Variants in LDHB observed in about 807,000 individuals in gnomAD.
LDHB encodes lactate dehydrogenase B, also known as L-lactate dehydrogenase B chain.
LDHB carries 18 observed loss-of-function variants against 33.4 expected under a neutral mutation model. The ratio of observed to expected loss-of-function variants is 0.54; its 90% CI spans 0.37 to 0.80. The LOEUF (loss-of-function observed/expected upper bound fraction) is 0.80. Among genes scored for constraint, LDHB ranks in the 30% least tolerant of loss-of-function variants. The probability of loss-of-function intolerance (pLI) is 0.00; values close to 1 mark genes in which losing one functional copy is unlikely to be tolerated. For missense variants in LDHB, 345 were observed against 407.9 expected (o/e 0.85, Z 1.33); for synonymous variants, 121 against 140.6 (o/e 0.86, Z 0.98).
At chr12:21,646,776 CTG>C in intron 3 of LDHB, 121 bp downstream of exon 3, 1 of 714,622 alleles carries the variant, frequency 1.4e-6, no homozygotes, top group Non-Finnish European at 2.5e-6. Context: ...ATTGAAATAA[CTG>C]TTCCAAAACT....
In LDHB at chr12:21,644,073, C is replaced by T; in HGVS notation, c.283G>A (p.Val95Ile). ...SVTANSKIVV[V>I]TAGVRQQEGE... The stretch of plus-strand genomic sequence containing the variant: ...TCTTGCTGACGGACTCCTGCAGTTA[C>T]CACTACAATCTTAGAATTGGCAGTC... Residue 95 changes from valine (V) to isoleucine (I), a missense_variant, in exon 4 of 8, where the codon GTA (valine) becomes ATA (isoleucine). Val to Ile is a conservative substitution (Grantham distance 29). Coordinates refer to ENST00000350669, the MANE Select transcript of LDHB (RefSeq NM_002300.8). The T allele has an allele frequency of 1.2e-6, 2 of 1,613,398 alleles. No individual in the cohort carries two copies. Among genetic ancestry groups the T allele is most frequent in the Non-Finnish European group, 1.7e-6 (2 of 1,179,446 alleles).
At chr12:21,655,466 TCTA>T (rs1368982665) in intron 1 of LDHB, among the ~76,000 whole-genome samples, 1 of 152,240 alleles carries the variant, frequency 6.6e-6, no homozygotes, top group African/African-American at 2.4e-5. Flanking sequence ...GACTGATTCT[TCTA>T]CTCTGTCTCA....
chr12:21,637,151 T>C lies in LDHB; in HGVS notation c.757A>G (p.Ile253Val), dbSNP rs373042868. ...IKLKGYTNWA[I>V]GLSVADLIES... is the part of the protein sequence containing the mutation. Reference sequence around the variant, plus strand: ...ATAAGATCAGCCACACTTAATCCAATAGCCCAGTTGGTATATCCTTTTAGC... The same window carrying C: ...ATAAGATCAGCCACACTTAATCCAACAGCCCAGTTGGTATATCCTTTTAGC... The change falls in exon 7 of 8, where the codon ATT becomes GTT. Residue 253 changes from isoleucine (I) to valine (V), a missense_variant. Coordinates refer to ENST00000350669, the MANE Select transcript of LDHB (RefSeq NM_002300.8). 6 of 1,603,164 alleles carry C rather than the reference T, an allele frequency of 3.7e-6. No homozygotes were observed. Among genetic ancestry groups the C allele is most frequent in the Middle Eastern group, 1.7e-4 (1 of 6,040 alleles).
At chr12:21,644,424 CAA>C (rs72491634) in intron 3 of LDHB, among the ~76,000 whole-genome samples, 153 of 15,274 alleles carry the variant, frequency 0.01, 3 homozygotes, top group African/African-American at 0.018. Flanking sequence ...AGGTAGACAT[CAA>C]AAAAAAAAAA....
chr12:21,641,829 T>G, intron 5 of LDHB, 123 bp downstream of exon 5: 1 of 761,830 alleles, frequency 1.3e-6, no homozygotes, highest in South Asian at 1.8e-5. Context: ...GAAAAGTAAC[T>G]ACTATTTTTG....
chr12:21,636,653 T>C (rs987545024), intron 7 of LDHB, among the ~76,000 whole-genome samples: 12 of 152,124 alleles, frequency 7.9e-5, no homozygotes, highest in African/African-American at 2.9e-4. Context: ...AAAAAATCAT[T>C]AATTTCTACC....
At chr12:21,637,426 T>C in intron 6 of LDHB, 1 of 398,448 alleles carries the variant, frequency 2.5e-6, no homozygotes, top group South Asian at 4.2e-5. Context: ...CTTTAGTTTA[T>C]TGTATAAGTT....
At chr12:21,646,852 G>T in intron 3 of LDHB, 47 bp downstream of exon 3, 2 of 1,076,338 alleles carry the variant, frequency 1.9e-6, no homozygotes, top group South Asian at 1.2e-5. Flanking sequence ...TGTGTTTTGG[G>T]GCCATGAAAA....
intron 2 of LDHB, among the ~76,000 whole-genome samples, chr12:21,651,718 T>C (rs577527299): frequency 6.6e-6 from 1 of 152,368 alleles, no homozygotes; most frequent in Admixed American, 6.5e-5. Flanking sequence ...CCTTTCTCTA[T>C]TAAGCTAGTG....
At chr12:21,651,921 T>C (rs1034286505) in intron 2 of LDHB, among the ~76,000 whole-genome samples, 5 of 152,208 alleles carry the variant, frequency 3.3e-5, no homozygotes, top group Non-Finnish European at 7.3e-5. Context: ...TACTCCATTT[T>C]GCAAAAGATA....
chr12:21,644,094 C>T lies in LDHB; in HGVS notation c.262G>A (p.Ala88Thr), dbSNP rs145369309. The T allele has an allele frequency of 4.1e-5, 66 of 1,611,962 alleles. No homozygotes were observed. The highest frequency in any genetic ancestry group is 7.7e-5 in the South Asian group (7 of 91,024). The change falls in exon 4 of 8, where the codon GCC becomes ACC. Residue 88 changes from alanine (A) to threonine (T), a missense_variant. Physicochemically the swap from Ala to Thr is moderately conservative, Grantham distance 58. Coordinates refer to ENST00000350669, the MANE Select transcript of LDHB (RefSeq NM_002300.8). ...IVADKDYSVTANSKIVVVTAG... is the reference protein window; with the variant it reads ...IVADKDYSVTTNSKIVVVTAG... ...GTTACCACTACAATCTTAGAATTGG[C>T]AGTCACAGAATAATCTTTAAAAAGA...
intron 4 of LDHB, 110 bp downstream of exon 4, chr12:21,643,825 A>G: frequency 1.2e-6 from 1 of 861,578 alleles, no homozygotes. Context: ...AAGACATGTA[A>G]ACTGCTTCTG....
At chr12:21,653,585 T>C (rs1201954314) in intron 2 of LDHB, among the ~76,000 whole-genome samples, 2 of 152,162 alleles carry the variant, frequency 1.3e-5, no homozygotes, top group African/African-American at 2.4e-5. Context: ...AAATACGTCA[T>C]GGACATCTAT....
intron 6 of LDHB, chr12:21,637,445 TA>T (rs1938249586): frequency 2.9e-6 from 1 of 342,278 alleles, no homozygotes; most frequent in Non-Finnish European, 5.3e-6. Context: ...TTAAGATTTA[TA>T]AAGTCACTGT....
chr12:21,654,624 CTCT>C lies in LDHB; in HGVS notation c.45_47del (p.Glu16del). 6.2e-7 allele frequency: 1 copy of C among 1,613,926 alleles called. No homozygotes were observed. The highest frequency in any genetic ancestry group is 8.5e-7 in the Non-Finnish European group (1 of 1,179,834). ...TGATCTTATTGTTTGGAACTGTTGC[CTCT>C]TCTTCCGCAACTGGTGCAATGAGTT... On this transcript the variant is annotated inframe_deletion, in exon 2 of 8. Coordinates refer to ENST00000350669, the MANE Select transcript of LDHB (RefSeq NM_002300.8).
At chr12:21,652,860 T>C (rs1049892168) in intron 2 of LDHB, among the ~76,000 whole-genome samples, 1 of 148,570 alleles carries the variant, frequency 6.7e-6, no homozygotes, top group Non-Finnish European at 1.5e-5. Context: ...GGGTGTGCAC[T>C]ACGTTTTTTA....
At chr12:21,648,535 T>TG (rs11444668) in intron 2 of LDHB, among the ~76,000 whole-genome samples, 145,864 of 150,870 alleles carry the variant, frequency 0.97, 70,691 homozygotes, top group Non-Finnish European at 1. Context: ...AGGGTATTAA[T>TG]GGGGGGGAGG....
At chr12:21,654,379 T>C (rs1189482003) in intron 2 of LDHB, 164 bp downstream of exon 2, 1 of 654,978 alleles carries the variant, frequency 1.5e-6, no homozygotes, top group East Asian at 2.8e-5. Context: ...TTTTAGGAGA[T>C]ACATGCTTAA....
At chr12:21,649,943 T>C (rs975400553) in intron 2 of LDHB, among the ~76,000 whole-genome samples, 1 of 151,916 alleles carries the variant, frequency 6.6e-6, no homozygotes, top group South Asian at 2.1e-4. Flanking sequence ...AATACAAAAA[T>C]TAGCCGGGCA....
Sources: allele counts gnomAD v4.1 joint callset (sites outside exome capture counted in the v4.1 genomes callset), GRCh38; gene constraint gnomAD v4.1.1; transcripts MANE v1.5; gene names NCBI Gene and HGNC (gene_info 2026-07-23, HGNC 2026-07-21).